The following FRMD4B variants were observed in gnomAD, a reference collection of about 807,000 sequenced individuals.
FRMD4B encodes the protein FERM domain-containing protein 4B.
A neutral mutation model predicts 141.5 loss-of-function variants in FRMD4B; 74 were observed. The observed-to-expected ratio is 0.52, with a 90% CI of 0.43 to 0.63. The LOEUF is 0.63. Ranked by LOEUF, FRMD4B falls within the 30% of genes least tolerant of loss-of-function variation. FRMD4B has a pLI of 0.00. For missense variants in FRMD4B, 1,366 were observed against 1,253.4 expected (o/e 1.09, Z -1.36); for synonymous variants, 506 against 467.9 (o/e 1.08, Z -1.05).
intron 1 of FRMD4B, chr3:69,536,452 T>C (rs2107170231): frequency 2.8e-6 from 2 of 705,352 alleles, no homozygotes; most frequent in East Asian, 5.5e-5. Flanking sequence ...TGGGTACTTG[T>C]GCAGGATGTA....
At position 69,260,761 on chromosome 3, in the gene FRMD4B, T is replaced by C. The variant is rs1049911410; in HGVS notation, c.502-10662A>G. Among the ~76,000 whole-genome samples, 6 of 152,210 alleles carry C rather than the reference T, an allele frequency of 3.9e-5. No homozygotes were observed. In the East Asian group the frequency reaches 5.8e-4, roughly 15 times the overall value. ...AGAACTTTTATGTCTAGCTGGAGGA[T>C]TGTAAAAGCAACAATCAGCACTCTG... is the stretch of plus-strand genomic sequence containing the variant. On this transcript the variant is annotated intron_variant, in intron 5 of 22. Transcript: ENST00000398540.
intron 5 of FRMD4B, among the ~76,000 whole-genome samples, chr3:69,285,499 A>C (rs1700649645): frequency 6.6e-6 from 1 of 152,074 alleles, no homozygotes; most frequent in Non-Finnish European, 1.5e-5. Context: ...TGACACACAC[A>C]CATACACAAA....
chr3:69,400,335 T>A (rs1462524310), intron 2 of FRMD4B, among the ~76,000 whole-genome samples: 1 of 151,756 alleles, frequency 6.6e-6, no homozygotes, highest in Non-Finnish European at 1.5e-5. Flanking sequence ...TGAGCTATGA[T>A]CACTCCACTG....
intron 19 of FRMD4B, among the ~76,000 whole-genome samples, chr3:69,184,641 A>T (rs1016968262): frequency 1.3e-5 from 2 of 152,260 alleles, no homozygotes; most frequent in African/African-American, 4.8e-5. Flanking sequence ...AGATGTGGGT[A>T]TAATAATTTT....
intron 1 of FRMD4B, among the ~76,000 whole-genome samples, chr3:69,525,173 C>CA (rs1700914068): frequency 6.6e-6 from 1 of 152,180 alleles, no homozygotes; most frequent in Non-Finnish European, 1.5e-5. Flanking sequence ...AAAAATAAAA[C>CA]AAAAGTTCTT....
intron 1 of FRMD4B, among the ~76,000 whole-genome samples, chr3:69,519,143 T>A (rs542912230): frequency 2.5e-4 from 38 of 152,248 alleles, no homozygotes; most frequent in African/African-American, 8.4e-4. Context: ...TTTGAGTGGG[T>A]GTCTGGTTCT....
At chr3:69,501,143 C>A (rs1004021098) in intron 1 of FRMD4B, among the ~76,000 whole-genome samples, 1 of 151,806 alleles carries the variant, frequency 6.6e-6, no homozygotes, top group Non-Finnish European at 1.5e-5. Flanking sequence ...GCTTGTCCAA[C>A]CAGTGGCCCA....
At chr3:69,369,694 A>G (rs1417399070) in intron 1 of FRMD4B, among the ~76,000 whole-genome samples, 1 of 149,832 alleles carries the variant, frequency 6.7e-6, no homozygotes, top group Non-Finnish European at 1.5e-5. Flanking sequence ...ATACCTAGAA[A>G]GTTCAAAATA....
At chr3:69,471,197 T>C (rs79689400) in intron 1 of FRMD4B, among the ~76,000 whole-genome samples, 2,557 of 152,274 alleles carry the variant, frequency 0.017, 35 homozygotes, top group East Asian at 0.07. Flanking sequence ...CCTTAGATAA[T>C]ATCTTTGTAA....
At chr3:69,189,045 A>G (rs1161364161) in intron 18 of FRMD4B, among the ~76,000 whole-genome samples, 1 of 151,890 alleles carries the variant, frequency 6.6e-6, no homozygotes, top group Non-Finnish European at 1.5e-5. Context: ...AACATGGTGA[A>G]ACCCTGTCTC....
rs752352751 is a variant in FRMD4B, at chr3:69,296,212, A to T, written c.416+6131T>A. On this transcript the variant is annotated intron_variant, in intron 4 of 22. Coordinates refer to ENST00000398540, the MANE Select transcript of FRMD4B (RefSeq NM_015123.3). ...AGACAGACAAACGCACACATCCTTT[A>T]AGCATTCATGGCCCATCTGTTTTTT... is the stretch of plus-strand genomic sequence containing the variant. 2.4e-4 allele frequency among the ~76,000 whole-genome samples: 36 copies of T among 152,052 alleles called. 1 individual carries two copies. The highest frequency in any genetic ancestry group is 6.2e-4 in the South Asian group (3 of 4,816).
intron 5 of FRMD4B, among the ~76,000 whole-genome samples, chr3:69,253,235 A>T (rs1054105902): frequency 4.7e-5 from 7 of 147,702 alleles, no homozygotes; most frequent in Non-Finnish European, 7.4e-5. Context: ...AGGATCAGGA[A>T]GATGAAGTGT....
At chr3:69,478,312 G>T (rs1444604457) in intron 1 of FRMD4B, among the ~76,000 whole-genome samples, 1 of 152,076 alleles carries the variant, frequency 6.6e-6, no homozygotes, top group Non-Finnish European at 1.5e-5. Flanking sequence ...GTCAATTTTG[G>T]ATCTTTCCTG....
chr3:69,536,139 G>T, intron 1 of FRMD4B: 1 of 503,048 alleles, frequency 2.0e-6, no homozygotes, highest in South Asian at 2.0e-5. Flanking sequence ...CCTGGCTTGG[G>T]AGGAGCCTTC....
chr3:69,183,191 G>C (rs142051078), intron 19 of FRMD4B, among the ~76,000 whole-genome samples: 1 of 152,342 alleles, frequency 6.6e-6, no homozygotes, highest in African/African-American at 2.4e-5. Flanking sequence ...AGCAGCCATG[G>C]ATAATATGTA....
chr3:69,485,018 C>T lies in FRMD4B; in HGVS notation c.-128-52257G>A, dbSNP rs556213099. ...TCTGCCCAGGAGGCTTTCTGCCTCCCGTGACCATCCATGGCACCCAGGCTG... is the reference window on the plus strand; with the variant it reads ...TCTGCCCAGGAGGCTTTCTGCCTCCTGTGACCATCCATGGCACCCAGGCTG... On this transcript the variant is annotated intron_variant, in intron 1 of 5. Transcript: ENST00000459638. Among the ~76,000 whole-genome samples, 8 of 152,278 alleles carry T rather than the reference C, an allele frequency of 5.3e-5. No homozygotes were observed. In the South Asian group the frequency reaches 8.3e-4, roughly 16 times the overall value.
At chr3:69,240,895 G>A (rs2093377672) in intron 7 of FRMD4B, among the ~76,000 whole-genome samples, 2 of 152,214 alleles carry the variant, frequency 1.3e-5, no homozygotes, top group East Asian at 1.9e-4. Context: ...TGCACTTTGA[G>A]AAGTGGAAGT....
chr3:69,355,895 G>A (rs891197861), intron 1 of FRMD4B, among the ~76,000 whole-genome samples: 7 of 152,018 alleles, frequency 4.6e-5, no homozygotes, highest in East Asian at 1.9e-4. Flanking sequence ...TGTGGTGGCC[G>A]GCACCTGTAT....
intron 1 of FRMD4B, among the ~76,000 whole-genome samples, chr3:69,353,322 T>C (rs1260512051): frequency 1.3e-5 from 2 of 152,168 alleles, no homozygotes; most frequent in Non-Finnish European, 2.9e-5. Flanking sequence ...CACATCCAAC[T>C]CCGTTTTGGA....
Sources: gnomAD v4.1 joint callset for allele counts (sites outside exome capture counted in the v4.1 genomes callset) on GRCh38, gnomAD v4.1.1 for gene constraint, MANE v1.5 for transcripts, NCBI Gene and HGNC (gene_info 2026-07-23, HGNC 2026-07-21) for gene names.